OSBPL11: variants seen among roughly 807,000 people sequenced by gnomAD.
OSBPL11 encodes oxysterol binding protein like 11.
In OSBPL11, 33 loss-of-function variants were observed where a neutral mutation model predicts 84.4. That is an observed-to-expected ratio of 0.39 (90% CI 0.30 to 0.52). OSBPL11 has a LOEUF of 0.52. OSBPL11 is among the 20% of genes least tolerant of loss of function. OSBPL11 has a pLI of 0.72. For missense variants in OSBPL11, 736 were observed against 901.1 expected, an observed-to-expected ratio of 0.82 and a Z score of 2.35; for synonymous variants, 276 against 310.2, an observed-to-expected ratio of 0.89 and a Z score of 1.16.
chr3:125,569,488 T>C (rs1470763890), intron 5 of OSBPL11, among the ~76,000 whole-genome samples: 1 of 152,228 alleles, frequency 6.6e-6, no homozygotes. Context: ...TTTGTGTGTG[T>C]ATAAATGTTT....
Position 125,576,053 on chromosome 3 carries a change from A to T in OSBPL11, c.666+136T>A, listed in dbSNP as rs1001233164. ...TATATTAAGGGAATGTTTACGACTT[A>T]AAAATTATCTCAGCATACTAGATAG... On this transcript the variant is annotated intron_variant, in intron 5 of 12. Coordinates refer to ENST00000296220, the MANE Select transcript of OSBPL11 (RefSeq NM_022776.5). The T allele has an allele frequency of 5.4e-6, 4 of 737,768 alleles. No individual in the cohort carries two copies. The African/African-American group carries it at 7.6e-5, about 14-fold the overall frequency. 45.7% of individuals were successfully genotyped at this position (737,768 alleles called of 1,614,324 possible).
At chr3:125,541,258 A>G (rs1214169519) in intron 10 of OSBPL11, among the ~76,000 whole-genome samples, 8 of 152,206 alleles carry the variant, frequency 5.3e-5, no homozygotes, top group Non-Finnish European at 1.2e-4. Context: ...CAGGCATGGA[A>G]TGGGTCTCAT....
chr3:125,566,218 C>T (rs1169168258), intron 6 of OSBPL11, among the ~76,000 whole-genome samples: 1 of 152,150 alleles, frequency 6.6e-6, no homozygotes, highest in East Asian at 1.9e-4. Flanking sequence ...GTTGGCCAGG[C>T]TGGTCTCAAA....
intron 2 of OSBPL11, among the ~76,000 whole-genome samples, chr3:125,581,832 T>C (rs6766091): frequency 0.57 from 86,669 of 150,912 alleles, 26,548 homozygotes; most frequent in African/African-American, 0.81. Context: ...AGAAATTAGA[T>C]GGGTGTGGTG....
At chr3:125,592,340 G>A (rs957635664) in intron 1 of OSBPL11, among the ~76,000 whole-genome samples, 29 of 152,112 alleles carry the variant, frequency 1.9e-4, no homozygotes, top group Non-Finnish European at 3.2e-4. Flanking sequence ...TACAGTGCCA[G>A]CCAAAACCAA....
intron 8 of OSBPL11, among the ~76,000 whole-genome samples, chr3:125,555,020 A>T (rs1485156747): frequency 6.6e-6 from 1 of 152,196 alleles, no homozygotes; most frequent in Non-Finnish European, 1.5e-5. Flanking sequence ...GTGTTGCCAA[A>T]GGGGATTAAC....
chr3:125,571,420 C>G (rs930724888), intron 5 of OSBPL11, among the ~76,000 whole-genome samples: 3 of 152,162 alleles, frequency 2.0e-5, no homozygotes, highest in African/African-American at 7.2e-5. Context: ...GCATAAGTAA[C>G]TAGGAGCTGA....
At chr3:125,563,882 A>T (rs904954959) in intron 6 of OSBPL11, 39 bp from the exon 7 acceptor site, 1 of 1,605,686 alleles carries the variant, frequency 6.2e-7, no homozygotes, top group South Asian at 1.1e-5. Flanking sequence ...AAACTTGCTC[A>T]TAATCTAGAA....
Position 125,579,023 on chromosome 3 carries a change from C to T in OSBPL11, c.426G>A (p.Glu142=), listed in dbSNP as rs1421483090. 5.7e-6 allele frequency: 9 copies of T among 1,592,644 alleles called. No homozygotes were observed. Among genetic ancestry groups the T allele is most frequent in the Non-Finnish European group, 7.7e-6 (9 of 1,169,100 alleles). ...GAAGTCTGCTAACCCAGTGCTGTCGCTCTTTTGCATCTGTAGCTGTTAAAA... is the reference window on the plus strand; with the variant it reads ...GAAGTCTGCTAACCCAGTGCTGTCGTTCTTTTGCATCTGTAGCTGTTAAAA... ...QYKLRATDAK[E]RQHWVSRLQI... Residue 142 remains glutamate (E), a synonymous_variant, in exon 4 of 13, where the codon GAG becomes GAA. Transcript: ENST00000296220.
rs11714749 is a variant in OSBPL11, at chr3:125,594,917, C to G, written c.-117G>C. The G allele has an allele frequency of 3.9e-5, 45 of 1,161,398 alleles. No homozygotes were observed. The highest frequency in any genetic ancestry group is 5.0e-5 in the Non-Finnish European group (42 of 832,890). 71.9% of individuals were successfully genotyped at this position (1,161,398 alleles called of 1,614,324 possible). A position where few individuals can be genotyped will look rare whatever the true frequency, so the allele number is the denominator to read the frequency against. On this transcript the variant is annotated 5_prime_UTR_variant, in exon 1 of 13. Transcript: ENST00000296220. Reference sequence around the variant, plus strand: ...ATATGATACCGGTTGCTAAATCACACGGCGGCTGGGGCGGGACTGTCAAAT... The same window carrying G: ...ATATGATACCGGTTGCTAAATCACAGGGCGGCTGGGGCGGGACTGTCAAAT...
intron 1 of OSBPL11, among the ~76,000 whole-genome samples, chr3:125,584,790 CTTTA>C (rs1362524103): frequency 2.0e-5 from 3 of 152,154 alleles, no homozygotes; most frequent in African/African-American, 7.2e-5. Context: ...AATACATCAT[CTTTA>C]TTTAGTCACT....
Position 125,560,467 on chromosome 3 carries a change from T to C in OSBPL11, c.1067A>G (p.Lys356Arg), listed in dbSNP as rs772500308. 1 of 1,609,028 alleles carries C rather than the reference T, an allele frequency of 6.2e-7. No homozygotes were observed. The highest frequency in any genetic ancestry group is 1.7e-5 in the Admixed American group (1 of 59,742). ...DDEIEDTCDH[K>R]EDDLGAVEEQ... The stretch of plus-strand genomic sequence containing the variant: ...TTCTACAGCTCCCAGGTCATCCTCT[T>C]TGTGGTCACATGTATCCTCTATCTC... Residue 356 changes from lysine to arginine, a missense_variant, in exon 8 of 13, where the codon AAA becomes AGA. Around this residue, in one of 3 missense-constraint regions of OSBPL11, gnomAD observed 579 missense variants for 717.6 expected, o/e 0.81. Coordinates refer to ENST00000296220, the MANE Select transcript of OSBPL11 (RefSeq NM_022776.5).
chr3:125,563,768 G>A lies in OSBPL11; in HGVS notation c.944C>T (p.Ala315Val). The A allele has an allele frequency of 6.2e-7, 1 of 1,614,140 alleles. No individual in the cohort carries two copies. Residue 315 changes from alanine (A) to valine (V), a missense_variant, in exon 7 of 13, where the codon GCA becomes GTA. Ala to Val is a moderately conservative substitution (Grantham distance 64). Transcript: ENST00000296220. ...TGCCACCGGCTTACTCTGATCAGTTGCAAAGGGCTGGTCAGCTCCATTTTT... is the reference window on the plus strand; with the variant it reads ...TGCCACCGGCTTACTCTGATCAGTTACAAAGGGCTGGTCAGCTCCATTTTT... ...HYKNGADQPF[A>V]TDQSKPVAVP...
rs978908174 is a variant in OSBPL11, at chr3:125,563,748, C to G, written c.964G>C (p.Val322Leu). The G allele has an allele frequency of 6.2e-7, 1 of 1,614,044 alleles. No individual in the cohort carries two copies. Among genetic ancestry groups the G allele is most frequent in the African/African-American group, 1.3e-5 (1 of 74,928 alleles). The change falls in exon 7 of 13, where the codon GTG becomes CTG. Residue 322 changes from valine to leucine, a missense_variant. This residue lies in a region of OSBPL11 where 579 missense variants were observed against 717.6 expected (regional missense o/e 0.81). Transcript: ENST00000296220. Reference sequence around the variant, plus strand: ...ACAGGCTGCTCTTCTGGGACTGCCACCGGCTTACTCTGATCAGTTGCAAAG... The same window carrying G: ...ACAGGCTGCTCTTCTGGGACTGCCAGCGGCTTACTCTGATCAGTTGCAAAG... Reference protein sequence around the residue: ...QPFATDQSKPVAVPEEQPVAE... With the variant: ...QPFATDQSKPLAVPEEQPVAE...
chr3:125,538,575 C>T lies in OSBPL11; in HGVS notation c.1900G>A (p.Glu634Lys). The T allele has an allele frequency of 6.2e-7, 1 of 1,614,080 alleles. No individual in the cohort carries two copies. Among genetic ancestry groups the T allele is most frequent in the Non-Finnish European group, 8.5e-7 (1 of 1,179,970 alleles). The stretch of plus-strand genomic sequence containing the variant: ...GTGAACTCAAGAACACTATTCCATT[C>T]CCCTTGCACTCTGCATACCACAGTG... Reference protein sequence around the residue: ...TNTVVCRVQGEWNSVLEFTYS... With the variant: ...TNTVVCRVQGKWNSVLEFTYS... The change falls in exon 11 of 13, where the codon GAA (glutamate) becomes AAA (lysine). Residue 634 changes from glutamate (E) to lysine (K), a missense_variant. Physicochemically the swap from Glu to Lys is moderately conservative, Grantham distance 56 (BLOSUM62 1). Transcript: ENST00000296220.
chr3:125,530,297 G>A lies in OSBPL11; in HGVS notation c.*218C>T, dbSNP rs1459087123. 5.3e-6 allele frequency: 3 copies of A among 562,502 alleles called. No individual in the cohort carries two copies. The Admixed American group carries it at 9.1e-5, about 17-fold the overall frequency. The allele number at this position is 562,502 out of a possible 1,614,324, so 34.8% of individuals were successfully genotyped here. ...AGGTAACAAGTTTTAAGATGGTATT[G>A]CTCACATCACATGAACAGGTTGGTA... On this transcript the variant is annotated 3_prime_UTR_variant, in exon 13 of 13. Coordinates refer to ENST00000296220, the MANE Select transcript of OSBPL11 (RefSeq NM_022776.5).
In OSBPL11 at chr3:125,532,913, G is replaced by A. The variant is rs186281006; in HGVS notation, c.2025-899C>T. Among the ~76,000 whole-genome samples the A allele has an allele frequency of 4.6e-5, 7 of 151,446 alleles. No individual in the cohort carries two copies. In the East Asian group the frequency reaches 9.7e-4, roughly 21 times the overall value. On this transcript the variant is annotated intron_variant, in intron 11 of 12. Coordinates refer to ENST00000296220, the MANE Select transcript of OSBPL11 (RefSeq NM_022776.5). ...TACTTCATGGATGAACCTCAAAAAC[G>A]TTATACTAAGGAAATAAGCCAGGCA...
intron 11 of OSBPL11, among the ~76,000 whole-genome samples, chr3:125,535,325 C>T (rs540813168): frequency 2.7e-4 from 41 of 151,764 alleles, no homozygotes; most frequent in African/African-American, 8.9e-4. Flanking sequence ...ATTAAACATA[C>T]GTAATTTGTA....
rs762989677 is a variant in OSBPL11 at position 125,563,840 on chromosome 3, G to A, written c.872C>T (p.Thr291Met). ...SHQKGSLPSG[T>M]TIEWLEPKIS... ...CTTTGGTTCTAACCACTCGATTGTC[G>A]TTCCTGATGGAGTAAGAGAAAACTT... The change falls in exon 7 of 13, where the codon ACG (threonine) becomes ATG (methionine). Residue 291 changes from threonine (T) to methionine (M), a missense_variant. By Grantham distance (81) the Thr-to-Met change is moderately conservative. This residue lies in a region of OSBPL11 where 579 missense variants were observed against 717.6 expected (regional missense o/e 0.81). Coordinates refer to ENST00000296220, the MANE Select transcript of OSBPL11 (RefSeq NM_022776.5). The A allele has an allele frequency of 1.2e-5, 20 of 1,612,716 alleles. No individual in the cohort carries two copies. Among genetic ancestry groups the A allele is most frequent in the Middle Eastern group, 1.7e-4 (1 of 5,976 alleles).
Sources: gnomAD v4.1 joint callset for allele counts (sites outside exome capture counted in the v4.1 genomes callset) on GRCh38, gnomAD v4.1.1 for gene constraint, gnomAD v4.1.1 regional missense constraint, MANE v1.5 for transcripts, NCBI Gene and HGNC (gene_info 2026-07-23, HGNC 2026-07-21) for gene names.